Variants in WHRN observed in about 807,000 individuals in gnomAD.
WHRN encodes whirlin.
In WHRN, 41 loss-of-function variants were observed where a neutral mutation model predicts 68.3. The observed-to-expected ratio is 0.60, with a 90% confidence interval of 0.47 to 0.78. The LOEUF (loss-of-function observed/expected upper bound fraction) is 0.78. Among genes scored for constraint, WHRN ranks in the 30% least tolerant of loss-of-function variants. The probability of loss-of-function intolerance (pLI) is 0.00; values close to 1 mark genes in which losing one functional copy is unlikely to be tolerated. For synonymous variants in WHRN, 560 were observed against 561.3 expected, an observed-to-expected ratio of 1.00 and a Z score of 0.03; for missense variants, 1,243 against 1,244.7, an observed-to-expected ratio of 1.00 and a Z score of 0.02.
rs73656119 is a variant in WHRN, at chr9:114,467,385, C to T, written c.838-993G>A. Among the ~76,000 whole-genome samples the T allele has an allele frequency of 7.6e-3, 1,158 of 152,084 alleles. 12 individuals carry two copies. The highest frequency in any genetic ancestry group is 0.027 in the African/African-American group (1,106 of 41,458). On this transcript the variant is annotated intron_variant, in intron 2 of 11. Coordinates refer to ENST00000362057, the MANE Select transcript of WHRN (RefSeq NM_015404.4). ...GGCCTTCACGGTACAGTGTGAGCAG[C>T]GCGTGACAAAGTGGCTCGAGGGCCA...
chr9:114,489,516 G>GCA (rs67518088), intron 1 of WHRN, among the ~76,000 whole-genome samples: 208 of 151,078 alleles, frequency 1.4e-3, no homozygotes, highest in African/African-American at 4.9e-3. Flanking sequence ...ACACACGCGT[G>GCA]CACACACACA....
intron 2 of WHRN, among the ~76,000 whole-genome samples, chr9:114,477,390 G>A (rs1010892414): frequency 6.6e-6 from 1 of 152,166 alleles, no homozygotes; most frequent in African/African-American, 2.4e-5. Flanking sequence ...GGGGTGCAAT[G>A]CAAACAGCAC....
intron 1 of WHRN, among the ~76,000 whole-genome samples, chr9:114,482,045 T>C (rs754652170): frequency 7.9e-5 from 12 of 151,736 alleles, no homozygotes; most frequent in Admixed American, 5.9e-4. Flanking sequence ...GGATATAGCA[T>C]TGTCCTGCGC....
At chr9:114,458,212 T>C (rs373534103) in intron 3 of WHRN, among the ~76,000 whole-genome samples, 1 of 152,214 alleles carries the variant, frequency 6.6e-6, no homozygotes, top group African/African-American at 2.4e-5. Context: ...TCTGACCTAC[T>C]GTACACAGTG....
rs750077527 is a variant in WHRN at position 114,402,841 on chromosome 9, C to T, written c.2637G>A (p.Glu879=). The stretch of plus-strand genomic sequence containing the variant: ...AGGCCTCGGCGATAATGCGGGCGGC[C>T]TCCCGGTGCTCCTTGCCCCGAAGCG... The part of the protein sequence containing the change: ...GLTLRGKEHR[E]AARIIAEAFK... The change falls in exon 12 of 12, where the codon GAG becomes GAA. Residue 879 remains glutamate (E), a synonymous_variant. Transcript: ENST00000362057. 1 of 1,614,126 alleles carries T rather than the reference C, an allele frequency of 6.2e-7. No individual in the cohort carries two copies. Among genetic ancestry groups the T allele is most frequent in the Non-Finnish European group, 8.5e-7 (1 of 1,180,038 alleles).
chr9:114,486,977 A>AT (rs1842587129), intron 1 of WHRN, among the ~76,000 whole-genome samples: 19 of 2,518 alleles, frequency 7.5e-3, no homozygotes, highest in Admixed American at 0.013. Context: ...ATATATATAT[A>AT]TATATATATA....
chr9:114,423,216 G>A, intron 7 of WHRN, 98 bp downstream of exon 7: 2 of 1,255,038 alleles, frequency 1.6e-6, no homozygotes, highest in African/African-American at 1.5e-5. Context: ...CTGGTAAGTG[G>A]TGGTGCTGGG....
At chr9:114,442,381 A>G (rs548681091) in intron 3 of WHRN, among the ~76,000 whole-genome samples, 1 of 152,232 alleles carries the variant, frequency 6.6e-6, no homozygotes, top group Admixed American at 6.5e-5. Flanking sequence ...TAGAGAAAAA[A>G]AATACTGAAG....
intron 1 of WHRN, among the ~76,000 whole-genome samples, chr9:114,488,648 G>A (rs1212002769): frequency 2.6e-5 from 4 of 152,154 alleles, no homozygotes; most frequent in Non-Finnish European, 5.9e-5. Context: ...CCAGCCACAT[G>A]GACTGGAAAG....
chr9:114,447,755 A>C (rs1193537669), intron 3 of WHRN, among the ~76,000 whole-genome samples: 1 of 79,952 alleles, frequency 1.3e-5, no homozygotes, highest in Non-Finnish European at 3.3e-5. Context: ...TCTCTCTCAC[A>C]CACTTTCTCT....
chr9:114,465,130 A>G (rs1462890770), intron 3 of WHRN, among the ~76,000 whole-genome samples: 1 of 152,200 alleles, frequency 6.6e-6, no homozygotes, highest in Admixed American at 6.5e-5. Context: ...TCCCTACTGC[A>G]AACCCAGAGC....
At chr9:114,426,466 C>T in intron 3 of WHRN, 53 bp from the exon 4 acceptor site, 1 of 1,601,178 alleles carries the variant, frequency 6.2e-7, no homozygotes, top group Non-Finnish European at 8.5e-7. Context: ...AGGATTCACA[C>T]TAGGGACTTC....
chr9:114,499,278 C>T (rs1564239484), intron 1 of WHRN, among the ~76,000 whole-genome samples: 1 of 152,122 alleles, frequency 6.6e-6, no homozygotes, highest in Admixed American at 6.5e-5. Flanking sequence ...AGTAAAAGGC[C>T]AATGTCAGCA....
At chr9:114,435,197 G>C (rs895259990) in intron 3 of WHRN, among the ~76,000 whole-genome samples, 2 of 152,198 alleles carry the variant, frequency 1.3e-5, no homozygotes, top group African/African-American at 4.8e-5. Context: ...TACAGACAGA[G>C]AGTTCAAAGT....
intron 1 of WHRN, among the ~76,000 whole-genome samples, chr9:114,490,395 C>T (rs1237981351): frequency 1.1e-4 from 17 of 152,180 alleles, no homozygotes; most frequent in Admixed American, 1.1e-3. Context: ...GTGTCTTCTC[C>T]CCTTTTCTGG....
chr9:114,486,236 C>T (rs1023687447), intron 1 of WHRN, among the ~76,000 whole-genome samples: 1 of 152,180 alleles, frequency 6.6e-6, no homozygotes, highest in African/African-American at 2.4e-5. Context: ...AAACATCCTT[C>T]TTTAATCCAC....
At position 114,504,236 on chromosome 9, in the gene WHRN, AGAATCTGGTCCCC is replaced by A. The variant is rs1844189531; in HGVS notation, c.553_565del (p.Gly185CysfsTer11). The stretch of plus-strand genomic sequence containing the variant: ...GGCCAGGGATTTGTCGTTGACGCGC[AGAATCTGGTCCCC>A]GACCCGCAGTCCTTCCTTCTCAGCT... On this transcript the variant is annotated frameshift_variant, in exon 1 of 12. Transcript: ENST00000362057. LOFTEE classifies it high-confidence loss of function. 2 of 1,614,148 alleles carry A rather than the reference AGAATCTGGTCCCC, an allele frequency of 1.2e-6. No individual in the cohort carries two copies. The highest frequency in any genetic ancestry group is 1.7e-6 in the Non-Finnish European group (2 of 1,180,024).
chr9:114,465,619 G>A (rs931249315), intron 3 of WHRN, among the ~76,000 whole-genome samples: 4 of 152,190 alleles, frequency 2.6e-5, no homozygotes, highest in African/African-American at 4.8e-5. Flanking sequence ...TTGTCTCTCT[G>A]AGCAAGTTCC....
chr9:114,486,975 A>G (rs1490552760), intron 1 of WHRN, among the ~76,000 whole-genome samples: 9 of 1,802 alleles, frequency 5.0e-3, no homozygotes, highest in African/African-American at 6.5e-3. Flanking sequence ...ATATATATAT[A>G]TATATATATA....
Sources: gnomAD v4.1 joint callset for allele counts (sites outside exome capture counted in the v4.1 genomes callset) on GRCh38, gnomAD v4.1.1 for gene constraint, MANE v1.5 for transcripts, NCBI Gene and HGNC (gene_info 2026-07-23, HGNC 2026-07-21) for gene names.